Variants in PHACTR2 observed in about 807,000 individuals in gnomAD.
The protein encoded by PHACTR2 is chromosome 6 open reading frame 56.
In PHACTR2, 30 loss-of-function variants were observed where a neutral mutation model predicts 76.0. That is an observed-to-expected ratio of 0.39 (90% confidence interval 0.30 to 0.54). PHACTR2 has a LOEUF of 0.54. Among genes scored for constraint, PHACTR2 ranks in the 20% least tolerant of loss-of-function variants. The pLI is 0.61. For missense variants in PHACTR2, 696 were observed against 781.1 expected (o/e 0.89, Z 1.30); for synonymous variants, 292 against 292.5 (o/e 1.00, Z 0.02).
In PHACTR2 at chr6:143,734,486, G is replaced by A. The variant is rs562372417; in HGVS notation, c.215-14499G>A. Among the ~76,000 whole-genome samples the A allele has an allele frequency of 6.7e-4, 102 of 152,324 alleles. 1 individual carries two copies. The highest frequency in any genetic ancestry group is 2.3e-3 in the African/African-American group (95 of 41,576). ...TTCCAGGGGGAGTTAGGTTTTTCTA[G>A]TGAATTCAGATAAGCAAGGCATTTT... On this transcript the variant is annotated intron_variant, in intron 2 of 12. Coordinates refer to ENST00000440869, the MANE Select transcript of PHACTR2 (RefSeq NM_001100164.2).
In PHACTR2 at chr6:143,803,272, T is replaced by G. The variant is rs1172906550; in HGVS notation, c.1846-3785T>G. Among the ~76,000 whole-genome samples the G allele has an allele frequency of 6.6e-6, 1 of 152,192 alleles. No homozygotes were observed. The highest frequency in any genetic ancestry group is 2.4e-5 in the African/African-American group (1 of 41,448). ...AATGTGAAAATAAAATAGAGGCCGA[T>G]TGCAGTGGCTCACGCCTGTAGTTCC... On this transcript the variant is annotated intron_variant, in intron 11 of 12. Coordinates refer to ENST00000440869, the MANE Select transcript of PHACTR2 (RefSeq NM_001100164.2). The surrounding 1 kb of genome is among the most constrained non-coding windows in gnomAD (Gnocchi z 4.7).
In PHACTR2 at chr6:143,816,911, C is replaced by G. The variant is rs1192308612; in HGVS notation, c.1923-6763C>G. Among the ~76,000 whole-genome samples the G allele has an allele frequency of 1.3e-5, 2 of 151,910 alleles. No individual in the cohort carries two copies. Among genetic ancestry groups the G allele is most frequent in the East Asian group, 3.9e-4 (2 of 5,172 alleles). ...CACAATGCTGTCTCTACAAAAAATACAAAAATTAGCCAAGTGTGGTGGCGA... is the reference window on the plus strand; with the variant it reads ...CACAATGCTGTCTCTACAAAAAATAGAAAAATTAGCCAAGTGTGGTGGCGA... On this transcript the variant is annotated intron_variant, in intron 12 of 12. Coordinates refer to ENST00000440869, the MANE Select transcript of PHACTR2 (RefSeq NM_001100164.2). The surrounding 1 kb of genome is among the most constrained non-coding windows in gnomAD (Gnocchi z 4.5).
intron 2 of PHACTR2, among the ~76,000 whole-genome samples, chr6:143,721,358 A>G (rs1174649951): frequency 6.6e-6 from 1 of 152,244 alleles, no homozygotes; most frequent in Non-Finnish European, 1.5e-5. Context: ...GCCTGGGACT[A>G]TTAATATTTA....
rs957349029 is a variant in PHACTR2 at position 143,765,143 on chromosome 6, T to G, written c.695-118T>G. 3 of 789,428 alleles carry G rather than the reference T, an allele frequency of 3.8e-6. No individual in the cohort carries two copies. Among genetic ancestry groups the G allele is most frequent in the East Asian group, 2.6e-5 (1 of 39,162 alleles). The allele number at this position is 789,428 out of a possible 1,614,324, so 48.9% of individuals were successfully genotyped here. ...GATTAGCCTATTTTCTCTTATACATTTATTCAACAAACTTTAAAGGGAACA... is the reference window on the plus strand; with the variant it reads ...GATTAGCCTATTTTCTCTTATACATGTATTCAACAAACTTTAAAGGGAACA... On this transcript the variant is annotated intron_variant, in intron 5 of 12. Coordinates refer to ENST00000440869, the MANE Select transcript of PHACTR2 (RefSeq NM_001100164.2). The surrounding 1 kb of genome is among the most constrained non-coding windows in gnomAD (Gnocchi z 4.1).
chr6:143,793,779 T>A lies in PHACTR2; in HGVS notation c.1845+4869T>A, dbSNP rs1003739396. 1.3e-5 allele frequency among the ~76,000 whole-genome samples: 2 copies of A among 151,756 alleles called. No homozygotes were observed. Among genetic ancestry groups the A allele is most frequent in the African/African-American group, 4.8e-5 (2 of 41,280 alleles). On this transcript the variant is annotated intron_variant, in intron 11 of 12. Coordinates refer to ENST00000440869, the MANE Select transcript of PHACTR2 (RefSeq NM_001100164.2). This position sits in a 1 kb window ranked among gnomAD's most constrained non-coding sequence, Gnocchi z 4.4. ...AAAAATACAAAAAATTAGCCGGGTG[T>A]GGTGGCGCGTACCTGTAGTCCCAGC...
At chr6:143,559,690 CTTTTTTTTTTTTTTTTT>C (rs5880566) in intron 1 of PHACTR2, among the ~76,000 whole-genome samples, 259 of 31,912 alleles carry the variant, frequency 8.1e-3, no homozygotes, top group Non-Finnish European at 6.7e-3. Flanking sequence ...TTTTTCTTTT[CTTTTTTTTTTTTTTTTT>C]TTTTTTTTTT....
In PHACTR2 at chr6:143,731,227, C is replaced by T. The variant is rs939551262; in HGVS notation, c.215-17758C>T. Among the ~76,000 whole-genome samples, 2 of 152,116 alleles carry T rather than the reference C, an allele frequency of 1.3e-5. No homozygotes were observed. The highest frequency in any genetic ancestry group is 2.4e-5 in the African/African-American group (1 of 41,426). On this transcript the variant is annotated intron_variant, in intron 2 of 12. Coordinates refer to ENST00000440869, the MANE Select transcript of PHACTR2 (RefSeq NM_001100164.2). This position sits in a 1 kb window ranked among gnomAD's most constrained non-coding sequence, Gnocchi z 4.9. ...CCACTATTATGGTTGATTACATTGG[C>T]AGATTTTTGAATTTTGAACCAGTTT...
chr6:143,624,435 C>T lies in PHACTR2; in HGVS notation c.13+16113C>T, dbSNP rs758326021. Among the ~76,000 whole-genome samples the T allele has an allele frequency of 1.3e-5, 2 of 152,140 alleles. No individual in the cohort carries two copies. Among genetic ancestry groups the T allele is most frequent in the Admixed American group, 6.5e-5 (1 of 15,282 alleles). On this transcript the variant is annotated intron_variant, in intron 1 of 11. Coordinates refer to the PHACTR2 transcript ENST00000305766. This position sits in a 1 kb window ranked among gnomAD's most constrained non-coding sequence, Gnocchi z 4.6. ...ATCTTGTTAATTCTTATGACCAAGA[C>T]GCAGTCATAGTTACTAATTCATATT...
intron 2 of PHACTR2, among the ~76,000 whole-genome samples, chr6:143,724,066 G>A (rs763556627): frequency 1.3e-5 from 2 of 151,578 alleles, no homozygotes; most frequent in Non-Finnish European, 1.5e-5. Context: ...AGGTTCAAGC[G>A]ATTGTCCTGC....
Position 143,561,416 on chromosome 6 carries a change from A to T in PHACTR2, c.217+24209A>T, listed in dbSNP as rs1270395690. 1.3e-5 allele frequency: 2 copies of T among 152,298 alleles called. No individual in the cohort carries two copies. The highest frequency in any genetic ancestry group is 4.8e-5 in the African/African-American group (2 of 41,432). The allele number at this position is 152,298 out of a possible 1,614,324, so 9.4% of individuals were successfully genotyped here. A position where few individuals can be genotyped will look rare whatever the true frequency, so the allele number is the denominator to read the frequency against. On this transcript the variant is annotated intron_variant, in intron 1 of 11. Coordinates refer to the PHACTR2 transcript ENST00000367584. This position sits in a 1 kb window ranked among gnomAD's most constrained non-coding sequence, Gnocchi z 4.1. ...GAGAAGTTGTTGGAGAAGAACGTTC[A>T]GGAAGAAATTTTGTGGTGATCACCA...
intron 1 of PHACTR2, among the ~76,000 whole-genome samples, chr6:143,615,065 A>G (rs1034086544): frequency 1.6e-4 from 24 of 152,218 alleles, no homozygotes; most frequent in African/African-American, 5.3e-4. Context: ...TTGAGTGTCC[A>G]TTATGTCCTA....
chr6:143,807,220 T>C lies in PHACTR2; in HGVS notation c.1922+87T>C. 1 of 763,740 alleles carries C rather than the reference T, an allele frequency of 1.3e-6. No homozygotes were observed. Among genetic ancestry groups the C allele is most frequent in the East Asian group, 2.5e-5 (1 of 39,386 alleles). 47.3% of individuals were successfully genotyped at this position (763,740 alleles called of 1,614,324 possible). A position where few individuals can be genotyped will look rare whatever the true frequency, so the allele number is the denominator to read the frequency against. On this transcript the variant is annotated intron_variant, in intron 12 of 12. Transcript: ENST00000440869. This position sits in a 1 kb window ranked among gnomAD's most constrained non-coding sequence, Gnocchi z 5.5. ...GGTTAAAAAAAGAAATTGCTTACAA[T>C]GGTAAATTTTATGATAGGTATATTT...
At position 143,556,937 on chromosome 6, in the gene PHACTR2, C is replaced by T. The variant is rs1193827386; in HGVS notation, c.217+19730C>T. 2.0e-5 allele frequency among the ~76,000 whole-genome samples: 3 copies of T among 152,200 alleles called. No homozygotes were observed. The highest frequency in any genetic ancestry group is 2.9e-5 in the Non-Finnish European group (2 of 68,040). The stretch of plus-strand genomic sequence containing the variant: ...AGATATGCTGCCTGTCTGTCCTCCT[C>T]CCTCAGAGAGACCACATTTCCTTTT... On this transcript the variant is annotated intron_variant, in intron 1 of 11. Coordinates refer to the PHACTR2 transcript ENST00000367584. The surrounding 1 kb of genome is among the most constrained non-coding windows in gnomAD (Gnocchi z 4.3).
Position 143,765,601 on chromosome 6 carries a change from T to C in PHACTR2, c.1035T>C (p.Ser345=). ...VPPPPVAPAP[S]PLAPPLPLED... ...CACCCCCTGTGGCTCCAGCACCTTC[T>C]CCTCTGGCCCCCCCTCTCCCTCTTG... Residue 345 remains serine (S), a synonymous_variant, in exon 6 of 13, where the codon TCT becomes TCC. Transcript: ENST00000440869. This position sits in a 1 kb window ranked among gnomAD's most constrained non-coding sequence, Gnocchi z 4.1. 6.2e-7 allele frequency: 1 copy of C among 1,614,062 alleles called. No individual in the cohort carries two copies. The highest frequency in any genetic ancestry group is 8.5e-7 in the Non-Finnish European group (1 of 1,179,958).
At chr6:143,560,364 A>G (rs1021017521) in intron 1 of PHACTR2, among the ~76,000 whole-genome samples, 6 of 152,188 alleles carry the variant, frequency 3.9e-5, no homozygotes, top group African/African-American at 1.2e-4. Flanking sequence ...TTGATTCTGT[A>G]TCTTTAAATT....
rs1778976510 is a variant in PHACTR2, at chr6:143,742,875, G to T, written c.215-6110G>T. ...ATGCAATCGCATACACATGAATTTA[G>T]TAATGAACAACTTAGTAAGTGCTAT... is the stretch of plus-strand genomic sequence containing the variant. On this transcript the variant is annotated intron_variant, in intron 2 of 12. Transcript: ENST00000440869. The surrounding 1 kb of genome is among the most constrained non-coding windows in gnomAD (Gnocchi z 4.5). Among the ~76,000 whole-genome samples, 1 of 152,212 alleles carries T rather than the reference G, an allele frequency of 6.6e-6. No homozygotes were observed.
rs1021931720 is a variant in PHACTR2 at position 143,828,080 on chromosome 6, G to A, written c.*4391G>A. 9 of 152,132 alleles carry A rather than the reference G, an allele frequency of 5.9e-5. No individual in the cohort carries two copies. Among genetic ancestry groups the A allele is most frequent in the Admixed American group, 4.6e-4 (7 of 15,276 alleles). The allele number at this position is 152,132 out of a possible 1,614,324, so 9.4% of individuals were successfully genotyped here. ...CAGGGAAATCGCTTAAACCCGGGAG[G>A]TGGAGGTTGCAGTGGGCCCAGATCG... On this transcript the variant is annotated 3_prime_UTR_variant, in exon 13 of 13. Coordinates refer to ENST00000440869, the MANE Select transcript of PHACTR2 (RefSeq NM_001100164.2). This position sits in a 1 kb window ranked among gnomAD's most constrained non-coding sequence, Gnocchi z 4.7.
intron 1 of PHACTR2, among the ~76,000 whole-genome samples, chr6:143,634,722 G>T (rs1776421598): frequency 6.6e-6 from 1 of 152,112 alleles, no homozygotes. Flanking sequence ...TTTGTAGTTG[G>T]GCATATGCAG....
In PHACTR2 at chr6:143,771,192, GTGTATATATATATATATATA is replaced by G. The variant is rs1562300830; in HGVS notation, c.1233-1064_1233-1045del. Among the ~76,000 whole-genome samples the G allele has an allele frequency of 2.3e-3, 38 of 16,616 alleles. 4 individuals are homozygous for G. Among genetic ancestry groups the G allele is most frequent in the East Asian group, 0.021 (4 of 190 alleles). The allele number at this position is 16,616 out of a possible 152,430, so 10.9% of individuals were successfully genotyped here. ...TATATATGTATATATATATATATGT[GTGTATATATATATATATATA>G]TATATATATATATATATATATATGC... is the stretch of plus-strand genomic sequence containing the variant. On this transcript the variant is annotated intron_variant, in intron 6 of 12. Coordinates refer to ENST00000440869, the MANE Select transcript of PHACTR2 (RefSeq NM_001100164.2).
Sources: gnomAD v4.1 joint callset for allele counts (sites outside exome capture counted in the v4.1 genomes callset) on GRCh38, gnomAD v4.1.1 for gene constraint, Gnocchi (gnomAD v3.1) non-coding constraint, MANE v1.5 for transcripts, NCBI Gene and HGNC (gene_info 2026-07-23, HGNC 2026-07-21) for gene names.